Variants in SAMD5 observed in about 807,000 individuals in gnomAD.
The protein encoded by SAMD5 is sterile alpha motif domain containing 5, also known as sterile alpha motif domain-containing protein 5.
Under a neutral mutation model 11.3 loss-of-function variants are expected in SAMD5, and 13 were observed. That is an observed-to-expected ratio of 1.15 (90% confidence interval 0.75 to 1.83). SAMD5 has a LOEUF of 1.83. Among genes scored for constraint, SAMD5 ranks in the 40% most tolerant of loss-of-function variants. The pLI is 0.00. For synonymous variants in SAMD5, 129 were observed against 111.3 expected (o/e 1.16, Z -1.00); for missense variants, 255 against 239.1 (o/e 1.07, Z -0.44).
the SAMD5 span, among the ~76,000 whole-genome samples, chr6:147,884,368 G>A: frequency 2.0e-5 from 3 of 152,178 alleles, no homozygotes; most frequent in Non-Finnish European, 4.4e-5. Flanking sequence ...GCCCCAGGTT[G>A]ATTTCCCGGG....
At chr6:147,893,120 T>G in the SAMD5 span, among the ~76,000 whole-genome samples, 2 of 151,706 alleles carry the variant, frequency 1.3e-5, no homozygotes, top group Non-Finnish European at 2.9e-5. Flanking sequence ...GAGAATCGCT[T>G]GAACCTGGGA....
chr6:147,552,762 A>G (rs1788794889), intron 1 of SAMD5, among the ~76,000 whole-genome samples: 1 of 152,216 alleles, frequency 6.6e-6, no homozygotes, highest in South Asian at 2.1e-4. Flanking sequence ...TTTAAAAACA[A>G]TTAAAGAGGT....
intron 1 of SAMD5, among the ~76,000 whole-genome samples, chr6:147,683,283 G>C (rs1275229689): frequency 6.6e-6 from 1 of 152,206 alleles, no homozygotes; most frequent in Non-Finnish European, 1.5e-5. Flanking sequence ...AGGTGAGAGA[G>C]TTGCAAAATA....
chr6:147,904,001 T>G, the SAMD5 span, among the ~76,000 whole-genome samples: 2 of 152,166 alleles, frequency 1.3e-5, no homozygotes, highest in Non-Finnish European at 2.9e-5. Flanking sequence ...GTCCCCAGAT[T>G]TCTTTGTCTA....
At position 147,594,273 on chromosome 6, in the gene SAMD5, G is replaced by A. The variant is rs111716190; in HGVS notation, c.162+84886G>A. Among the ~76,000 whole-genome samples the A allele has an allele frequency of 8.3e-3, 1,262 of 152,142 alleles. 9 individuals carry two copies. Among genetic ancestry groups the A allele is most frequent in the African/African-American group, 0.019 (777 of 41,492 alleles). On this transcript the variant is annotated intron_variant, in intron 1 of 1. Transcript: ENST00000566741. ...TTTCCCTCTCCTTTGCTCATCTCTCGCTCATTTGCTTGCTAAGATGCGATC... is the reference window on the plus strand; with the variant it reads ...TTTCCCTCTCCTTTGCTCATCTCTCACTCATTTGCTTGCTAAGATGCGATC...
At chr6:147,806,299 C>T in the SAMD5 span, among the ~76,000 whole-genome samples, 7 of 89,720 alleles carry the variant, frequency 7.8e-5, no homozygotes, top group East Asian at 3.5e-4. Context: ...AACGAGTGTG[C>T]GCATGCGCGC....
chr6:147,898,765 G>A, the SAMD5 span, among the ~76,000 whole-genome samples: 3 of 152,094 alleles, frequency 2.0e-5, no homozygotes, highest in African/African-American at 4.8e-5. Context: ...GTATTCATAT[G>A]TATACATACA....
the SAMD5 span, among the ~76,000 whole-genome samples, chr6:147,911,209 G>T: frequency 6.6e-6 from 1 of 152,162 alleles, no homozygotes; most frequent in East Asian, 1.9e-4. Flanking sequence ...GCTCTCTTTG[G>T]ACCCTGCCTT....
chr6:147,748,317 A>G, the SAMD5 span, among the ~76,000 whole-genome samples: 1 of 152,140 alleles, frequency 6.6e-6, no homozygotes, highest in South Asian at 2.1e-4. Context: ...TTGGATTAGA[A>G]TCAGATTCTA....
chr6:147,515,945 G>A (rs1051804508), intron 1 of SAMD5, among the ~76,000 whole-genome samples: 2 of 152,084 alleles, frequency 1.3e-5, no homozygotes, highest in African/African-American at 4.8e-5. Context: ...GAATGAAAAT[G>A]CTACTCCTGT....
the SAMD5 span, among the ~76,000 whole-genome samples, chr6:147,932,302 C>G: frequency 1.3e-5 from 2 of 151,986 alleles, no homozygotes; most frequent in African/African-American, 4.8e-5. Context: ...GAGGGAAAGC[C>G]AGGGGGTTCC....
the SAMD5 span, among the ~76,000 whole-genome samples, chr6:147,942,725 A>T: frequency 6.6e-6 from 1 of 152,048 alleles, no homozygotes; most frequent in Non-Finnish European, 1.5e-5. Context: ...GAATGAAGAG[A>T]TGGTGAATAA....
chr6:147,923,301 T>C, the SAMD5 span, among the ~76,000 whole-genome samples: 1 of 152,212 alleles, frequency 6.6e-6, no homozygotes, highest in African/African-American at 2.4e-5. Context: ...GCAATGTACT[T>C]GTGTGTCCAT....
At chr6:147,621,407 G>A (rs1046761328) in intron 1 of SAMD5, among the ~76,000 whole-genome samples, 3 of 152,170 alleles carry the variant, frequency 2.0e-5, no homozygotes, top group Admixed American at 6.5e-5. Flanking sequence ...CAGGAGAAAG[G>A]GAGAGTCAGG....
At chr6:147,670,001 A>G (rs147877369) in intron 1 of SAMD5, among the ~76,000 whole-genome samples, 81 of 152,230 alleles carry the variant, frequency 5.3e-4, no homozygotes, top group Non-Finnish European at 9.1e-4. Context: ...CACCTTACGA[A>G]ATGTGTTTCT....
chr6:147,648,596 C>T (rs775061170), intron 1 of SAMD5, among the ~76,000 whole-genome samples: 6 of 152,214 alleles, frequency 3.9e-5, no homozygotes, highest in Non-Finnish European at 8.8e-5. Flanking sequence ...TACAACCATT[C>T]TTCTGCTAGA....
At chr6:147,734,827 G>A (rs1463809120) in intron 1 of SAMD5, among the ~76,000 whole-genome samples, 1 of 148,494 alleles carries the variant, frequency 6.7e-6, no homozygotes, top group South Asian at 2.2e-4. Flanking sequence ...TTTTTTAAAT[G>A]GATGAGAACT....
chr6:147,574,783 A>T (rs59207407), downstream of SAMD5, among the ~76,000 whole-genome samples: 3,181 of 152,196 alleles, frequency 0.021, 109 homozygotes, highest in African/African-American at 0.073. Flanking sequence ...TGAGGAACTT[A>T]ATACCATTAC....
chr6:147,729,916 C>G (rs776163647), intron 1 of SAMD5: 13 of 436,190 alleles, frequency 3.0e-5, no homozygotes, highest in African/African-American at 1.6e-4. Context: ...GAAACCCTGT[C>G]TCTACTAAAA....
Sources: allele counts gnomAD v4.1 joint callset (sites outside exome capture counted in the v4.1 genomes callset), GRCh38; gene constraint gnomAD v4.1.1; transcripts MANE v1.5; gene names NCBI Gene and HGNC (gene_info 2026-07-23, HGNC 2026-07-21).